Variants in TUT4 observed in about 807,000 individuals in gnomAD.
TUT4 encodes the protein terminal uridylyl transferase 4.
A neutral mutation model predicts 192.2 loss-of-function variants in TUT4; 36 were observed. That is an observed-to-expected ratio of 0.19 (90% CI 0.14 to 0.25). The LOEUF (loss-of-function observed/expected upper bound fraction) is 0.25. Ranked by LOEUF, TUT4 falls within the 10% of genes least tolerant of loss-of-function variation. The probability of loss-of-function intolerance (pLI) is 1.00; values close to 1 mark genes in which losing one functional copy is unlikely to be tolerated. For synonymous variants in TUT4, 618 were observed against 666.0 expected, an observed-to-expected ratio of 0.93 and a Z score of 1.11; for missense variants, 1,493 against 1,957.2, an observed-to-expected ratio of 0.76 and a Z score of 4.47.
At chr1:52,536,609 T>C (rs1314921633) in intron 1 of TUT4, among the ~76,000 whole-genome samples, 1 of 151,956 alleles carries the variant, frequency 6.6e-6, no homozygotes, top group African/African-American at 2.4e-5. Flanking sequence ...TCCCAGCACT[T>C]TGGGAGGCCG....
At chr1:52,543,000 C>T (rs141494712) in intron 1 of TUT4, among the ~76,000 whole-genome samples, 4,235 of 152,226 alleles carry the variant, frequency 0.028, 79 homozygotes, top group South Asian at 0.063. Context: ...GGTGATCCAC[C>T]CACCTCAGCC....
At chr1:52,426,530 A>G (rs904609839) in intron 28 of TUT4, among the ~76,000 whole-genome samples, 8 of 152,100 alleles carry the variant, frequency 5.3e-5, no homozygotes, top group Non-Finnish European at 8.8e-5. Flanking sequence ...AGGAACTCAA[A>G]TTAAGTACGG....
chr1:52,513,300 A>T (rs898839753), intron 3 of TUT4, among the ~76,000 whole-genome samples: 36 of 149,502 alleles, frequency 2.4e-4, no homozygotes, highest in African/African-American at 7.0e-4. Flanking sequence ...TACTCGGGAG[A>T]CTTAGGTACC....
Position 52,436,743 on chromosome 1 carries a change from T to G in TUT4, c.4162+12A>C, listed in dbSNP as rs754460618. 7 of 1,612,386 alleles carry G rather than the reference T, an allele frequency of 4.3e-6. No individual in the cohort carries two copies. In the Middle Eastern group the frequency reaches 6.1e-4, roughly 141 times the overall value. ...TTTCTACCAGAAACTATGTTTGGCC[T>G]TTTCTATTTACCTGCCACACTGCTA... On this transcript the variant is annotated intron_variant, in intron 26 of 29. Coordinates refer to ENST00000257177, the MANE Select transcript of TUT4 (RefSeq NM_001009881.3).
chr1:52,489,134 A>G, intron 8 of TUT4, 99 bp from the exon 9 acceptor site: 1 of 1,251,122 alleles, frequency 8.0e-7, no homozygotes, highest in Non-Finnish European at 1.1e-6. Flanking sequence ...TCATATTGTA[A>G]CATAGTACCG....
chr1:52,475,890 G>GCT (rs1031340750), intron 12 of TUT4, among the ~76,000 whole-genome samples: 2 of 151,904 alleles, frequency 1.3e-5, no homozygotes, highest in African/African-American at 2.4e-5. Context: ...TGTCCCCCAA[G>GCT]CTGGAGTACA....
At chr1:52,521,308 A>G (rs1413231730) in intron 2 of TUT4, among the ~76,000 whole-genome samples, 1 of 152,202 alleles carries the variant, frequency 6.6e-6, no homozygotes, top group Non-Finnish European at 1.5e-5. Flanking sequence ...TGGGAGCTGA[A>G]GTTAGGCCTA....
chr1:52,461,279 A>T, intron 18 of TUT4, 56 bp from the exon 19 acceptor site: 1 of 1,495,592 alleles, frequency 6.7e-7, no homozygotes, highest in Non-Finnish European at 9.1e-7. Context: ...TTAAACTACA[A>T]ATCAGATTTA....
intron 1 of TUT4, among the ~76,000 whole-genome samples, chr1:52,544,047 G>A (rs112635145): frequency 0.088 from 13,332 of 151,816 alleles, 734 homozygotes; most frequent in East Asian, 0.2. Context: ...CCAGCACTTC[G>A]GGAGGCCGAG....
intron 11 of TUT4, among the ~76,000 whole-genome samples, chr1:52,478,427 A>G (rs1401184998): frequency 6.6e-6 from 1 of 152,232 alleles, no homozygotes; most frequent in Non-Finnish European, 1.5e-5. Context: ...GGAATATCAT[A>G]AAATAAAGAA....
intron 20 of TUT4, among the ~76,000 whole-genome samples, chr1:52,455,101 T>A (rs150176065): frequency 1.3e-5 from 2 of 152,000 alleles, no homozygotes; most frequent in African/African-American, 2.4e-5. Context: ...CTGGGCAACA[T>A]GGAGAAACCC....
At position 52,472,082 on chromosome 1, in the gene TUT4, G is replaced by C; in HGVS notation, c.2748C>G (p.Ser916Arg). 1 of 1,613,580 alleles carries C rather than the reference G, an allele frequency of 6.2e-7. No homozygotes were observed. Among genetic ancestry groups the C allele is most frequent in the East Asian group, 2.2e-5 (1 of 44,808 alleles). Reference protein sequence around the residue: ...TSGKPPTIVCSICKKDGHSKN... With the variant: ...TSGKPPTIVCRICKKDGHSKN... ...TTGAATGGCCATCCTTTTTGCAGAT[G>C]CTGCATACTATCGTTGGTGGCTACA... is the stretch of plus-strand genomic sequence containing the variant. Residue 916 changes from serine (S) to arginine (R), a missense_variant, in exon 14 of 30, where the codon AGC becomes AGG. Physicochemically the swap from Ser to Arg is moderately radical, Grantham distance 110. Transcript: ENST00000257177.
chr1:52,447,956 C>T (rs968696121), intron 20 of TUT4, among the ~76,000 whole-genome samples: 1 of 152,198 alleles, frequency 6.6e-6, no homozygotes, highest in Non-Finnish European at 1.5e-5. Flanking sequence ...TAAGGTGGGC[C>T]TGGGCCCAAT....
intron 1 of TUT4, among the ~76,000 whole-genome samples, chr1:52,545,611 C>T (rs1277753237): frequency 6.6e-6 from 1 of 151,916 alleles, no homozygotes; most frequent in Non-Finnish European, 1.5e-5. Flanking sequence ...TAGGGAAATG[C>T]AAATCAAAAC....
At chr1:52,483,969 C>A (rs886319737) in intron 9 of TUT4, among the ~76,000 whole-genome samples, 6 of 152,088 alleles carry the variant, frequency 3.9e-5, no homozygotes, top group African/African-American at 1.2e-4. Flanking sequence ...CATAGCAAGA[C>A]CTCCGTCTCT....
intron 1 of TUT4, among the ~76,000 whole-genome samples, chr1:52,540,307 G>A (rs1443701448): frequency 6.6e-6 from 1 of 151,812 alleles, no homozygotes; most frequent in South Asian, 2.1e-4. Flanking sequence ...ACGAGGTCAG[G>A]AGTTCAAGAC....
rs1251145330 is a variant in TUT4, at chr1:52,512,479, A to C, written c.883-2767T>G. On this transcript the variant is annotated intron_variant, in intron 3 of 29. Transcript: ENST00000257177. ...ACCAATAAGTGGCAGAGCTAGACCC[A>C]ATGACTCCAAAATCCACGCACTTGA... 2.0e-5 allele frequency among the ~76,000 whole-genome samples: 3 copies of C among 152,220 alleles called. No homozygotes were observed. The East Asian group carries it at 5.8e-4, about 29-fold the overall frequency.
Position 52,526,240 on chromosome 1 carries a change from G to A in TUT4, c.41C>T (p.Pro14Leu). 1 of 1,579,706 alleles carries A rather than the reference G, an allele frequency of 6.3e-7. No homozygotes were observed. ...TTCTTCACAAATAACATTCTTCTTT[G>A]GTTCATGATTTTCACTTTTTAAGGT... is the stretch of plus-strand genomic sequence containing the variant. ...SKTLKSENHE[P>L]KKNVICEESK... Residue 14 changes from proline to leucine, a missense_variant, in exon 2 of 30, where the codon CCA (proline) becomes CTA (leucine). Physicochemically the swap from Pro to Leu is moderately conservative, Grantham distance 98 (BLOSUM62 -3). Transcript: ENST00000257177.
chr1:52,518,917 G>A (rs1481263772), intron 2 of TUT4, among the ~76,000 whole-genome samples: 1 of 152,118 alleles, frequency 6.6e-6, no homozygotes, highest in Non-Finnish European at 1.5e-5. Context: ...TAGTGTCACT[G>A]AATTGTATAC....
Sources: gnomAD v4.1 joint callset for allele counts (sites outside exome capture counted in the v4.1 genomes callset) on GRCh38, gnomAD v4.1.1 for gene constraint, MANE v1.5 for transcripts, NCBI Gene and HGNC (gene_info 2026-07-23, HGNC 2026-07-21) for gene names.